Variants in ATP10D observed in about 807,000 individuals in gnomAD.
ATP10D encodes ATPase phospholipid transporting 10D (putative).
Under a neutral mutation model 144.8 loss-of-function variants are expected in ATP10D, and 89 were observed. That is an observed-to-expected ratio of 0.61 (90% CI 0.52 to 0.73). The LOEUF (loss-of-function observed/expected upper bound fraction) is 0.73. Among genes scored for constraint, ATP10D ranks in the 30% least tolerant of loss-of-function variants. The probability of loss-of-function intolerance (pLI) is 0.00; values close to 1 mark genes in which losing one functional copy is unlikely to be tolerated. For synonymous variants in ATP10D, 571 were observed against 615.1 expected, an observed-to-expected ratio of 0.93 and a Z score of 1.06; for missense variants, 1,603 against 1,714.8, an observed-to-expected ratio of 0.93 and a Z score of 1.15.
chr4:47,503,453 T>A (rs538240112), intron 1 of ATP10D, among the ~76,000 whole-genome samples: 87 of 152,342 alleles, frequency 5.7e-4, no homozygotes, highest in African/African-American at 1.9e-3. Context: ...TCAGTACAGT[T>A]GACCTTTTTC....
Position 47,485,300 on chromosome 4 carries a change from A to C in ATP10D, c.-257A>C, listed in dbSNP as rs1714680096. ...GCAGCCTGGCGGAGACGGGAGGAGG[A>C]GCGGAGGGAGAAGTAGGTTGCGAGC... On this transcript the variant is annotated 5_prime_UTR_variant, in exon 1 of 23. Transcript: ENST00000273859. 2.6e-5 allele frequency: 4 copies of C among 151,660 alleles called. No homozygotes were observed. Among genetic ancestry groups the C allele is most frequent in the Admixed American group, 2.6e-4 (4 of 15,218 alleles). The allele number at this position is 151,660 out of a possible 1,614,324, so 9.4% of individuals were successfully genotyped here. A position where few individuals can be genotyped will look rare whatever the true frequency, so the allele number is the denominator to read the frequency against.
At position 47,568,889 on chromosome 4, in the gene ATP10D, C is replaced by G. The variant is rs778247674; in HGVS notation, c.2906C>G (p.Thr969Ser). 3 of 1,614,158 alleles carry G rather than the reference C, an allele frequency of 1.9e-6. No homozygotes were observed. The highest frequency in any genetic ancestry group is 2.5e-6 in the Non-Finnish European group (3 of 1,180,024). Residue 969 changes from threonine to serine, a missense_variant, in exon 16 of 23, where the codon ACT becomes AGT. Thr to Ser is a moderately conservative substitution (Grantham distance 58, BLOSUM62 1). Coordinates refer to ENST00000273859, the MANE Select transcript of ATP10D (RefSeq NM_020453.4). ...ATTTTGAAAGAACTTCAGAAGAAAACTCAAGCCCTGCCAGAGCAAGTGTCA... is the reference window on the plus strand; with the variant it reads ...ATTTTGAAAGAACTTCAGAAGAAAAGTCAAGCCCTGCCAGAGCAAGTGTCA... ...STILKELQKK[T>S]QALPEQVSLS...
At chr4:47,493,740 T>C (rs971631414) in intron 1 of ATP10D, among the ~76,000 whole-genome samples, 4 of 152,228 alleles carry the variant, frequency 2.6e-5, no homozygotes, top group Admixed American at 2.0e-4. Flanking sequence ...GAATGCAAAT[T>C]ATCAGGCCAC....
intron 22 of ATP10D, among the ~76,000 whole-genome samples, chr4:47,590,006 TATC>T (rs940297481): frequency 2.0e-5 from 3 of 152,248 alleles, no homozygotes; most frequent in African/African-American, 7.2e-5. Flanking sequence ...AGAATACATA[TATC>T]ATCATACACA....
At chr4:47,562,711 AATC>A (rs1441059616) in intron 14 of ATP10D, among the ~76,000 whole-genome samples, 1 of 152,180 alleles carries the variant, frequency 6.6e-6, no homozygotes, top group African/African-American at 2.4e-5. Flanking sequence ...AAGGAAAAGA[AATC>A]ATTATATCAA....
intron 1 of ATP10D, chr4:47,490,973 T>C: frequency 1.6e-6 from 1 of 617,326 alleles, no homozygotes; most frequent in South Asian, 1.6e-5. Flanking sequence ...ATTTATTTTG[T>C]TAACACCTCT....
rs1560457099 is a variant in ATP10D at position 47,580,380 on chromosome 4, T to A, written c.3568-18T>A. On this transcript the variant is annotated intron_variant, in intron 19 of 22. Coordinates refer to ENST00000273859, the MANE Select transcript of ATP10D (RefSeq NM_020453.4). ...CTTGTTAATCTTACTACCTCCCCGTTATCTGCTTCATTTCTAGGCATACTT... is the reference window on the plus strand; with the variant it reads ...CTTGTTAATCTTACTACCTCCCCGTAATCTGCTTCATTTCTAGGCATACTT... 3.1e-6 allele frequency: 5 copies of A among 1,595,346 alleles called. No homozygotes were observed. Among genetic ancestry groups the A allele is most frequent in the Non-Finnish European group, 4.3e-6 (5 of 1,163,148 alleles).
intron 16 of ATP10D, among the ~76,000 whole-genome samples, chr4:47,569,914 A>G (rs1719863279): frequency 6.6e-6 from 1 of 152,194 alleles, no homozygotes; most frequent in Non-Finnish European, 1.5e-5. Flanking sequence ...GGTGTGTCGG[A>G]GGACAAAGCC....
At chr4:47,530,731 C>T (rs546109086) in intron 5 of ATP10D, among the ~76,000 whole-genome samples, 3 of 152,308 alleles carry the variant, frequency 2.0e-5, no homozygotes, top group African/African-American at 7.2e-5. Context: ...GCTGGTATTA[C>T]AGGCATGAGC....
chr4:47,590,975 T>C, intron 22 of ATP10D, 67 bp from the exon 23 acceptor site: 3 of 1,051,442 alleles, frequency 2.9e-6, no homozygotes, highest in South Asian at 1.8e-5. Flanking sequence ...TCGTTAGTAT[T>C]TGGGGGGGGG....
intron 1 of ATP10D, among the ~76,000 whole-genome samples, chr4:47,495,387 A>G (rs1715299074): frequency 6.6e-6 from 1 of 152,210 alleles, no homozygotes; most frequent in African/African-American, 2.4e-5. Context: ...TGTAAAAGCA[A>G]TACATTAAGT....
intron 11 of ATP10D, among the ~76,000 whole-genome samples, chr4:47,557,317 C>T (rs1312197668): frequency 2.0e-5 from 3 of 151,898 alleles, no homozygotes; most frequent in Admixed American, 6.6e-5. Context: ...GAAGGATGCC[C>T]ACTGCTAGCA....
intron 21 of ATP10D, chr4:47,583,096 C>G (rs933137731): frequency 1.3e-5 from 2 of 152,258 alleles, no homozygotes; most frequent in Non-Finnish European, 2.9e-5. Flanking sequence ...AAGCTATGAT[C>G]ATGCCACTGC....
intron 5 of ATP10D, among the ~76,000 whole-genome samples, chr4:47,529,601 T>C (rs1273673367): frequency 6.6e-6 from 1 of 152,146 alleles, no homozygotes; most frequent in African/African-American, 2.4e-5. Context: ...TTTGTTGTTG[T>C]TCTGGATTGT....
In ATP10D at chr4:47,536,874, T is replaced by G; in HGVS notation, c.1332T>G (p.Thr444=). ...TTTCCGATAAGACAGGAACCCTCAC[T>G]GAGAATAAGATGGTTTTTCGAAGAT... ...YLFSDKTGTL[T]ENKMVFRRCS... is the part of the protein sequence containing the mutation. The change falls in exon 9 of 23, where the codon ACT becomes ACG. Residue 444 remains threonine (T), a synonymous_variant. Transcript: ENST00000273859. The G allele has an allele frequency of 6.2e-7, 1 of 1,613,404 alleles. No individual in the cohort carries two copies.
chr4:47,552,264 T>C (rs1718765062), intron 10 of ATP10D, among the ~76,000 whole-genome samples: 1 of 152,212 alleles, frequency 6.6e-6, no homozygotes, highest in African/African-American at 2.4e-5. Context: ...ATTCCCTGAA[T>C]GGCATATTAC....
intron 13 of ATP10D, 84 bp from the exon 14 acceptor site, chr4:47,560,865 T>G: frequency 6.6e-7 from 1 of 1,524,764 alleles, no homozygotes; most frequent in Non-Finnish European, 9.0e-7. Flanking sequence ...AGTTGATGGT[T>G]TGATATTTTG....
intron 3 of ATP10D, among the ~76,000 whole-genome samples, chr4:47,517,089 A>G (rs1716730435): frequency 1.3e-5 from 2 of 152,226 alleles, no homozygotes; most frequent in South Asian, 2.1e-4. Flanking sequence ...AATGCTTATT[A>G]TATATATTTT....
chr4:47,493,040 ACT>A lies in ATP10D; in HGVS notation c.-38+7524_-38+7525del, dbSNP rs1431038260. Among the ~76,000 whole-genome samples the A allele has an allele frequency of 2.6e-5, 4 of 152,024 alleles. No homozygotes were observed. The East Asian group carries it at 7.7e-4, about 29-fold the overall frequency. ...ATTCTTTCCATTTCAGCTACAAATA[ACT>A]CTACTTTCCTATTCATTATTCTTTT... is the stretch of plus-strand genomic sequence containing the variant. On this transcript the variant is annotated intron_variant, in intron 1 of 22. Coordinates refer to ENST00000273859, the MANE Select transcript of ATP10D (RefSeq NM_020453.4).
Sources: allele counts gnomAD v4.1 joint callset (sites outside exome capture counted in the v4.1 genomes callset), GRCh38; gene constraint gnomAD v4.1.1; transcripts MANE v1.5; gene names NCBI Gene and HGNC (gene_info 2026-07-23, HGNC 2026-07-21).